The following CSMD3 variants were observed in gnomAD, a reference collection of about 807,000 sequenced individuals.
The protein encoded by CSMD3 is CUB and Sushi multiple domains 3.
Under a neutral mutation model 435.2 loss-of-function variants are expected in CSMD3, and 177 were observed. That is an observed-to-expected ratio of 0.41 (90% confidence interval 0.36 to 0.46). The LOEUF (loss-of-function observed/expected upper bound fraction) is 0.46, where lower values mean the gene tolerates loss of function less well. Ranked by LOEUF, CSMD3 falls within the 20% of genes least tolerant of loss-of-function variation. The probability of loss-of-function intolerance (pLI) is 0.34; values close to 1 mark genes in which losing one functional copy is unlikely to be tolerated. For synonymous variants in CSMD3, 1,656 were observed against 1,520.5 expected (o/e 1.09, Z -2.07); for missense variants, 4,265 against 4,504.6 (o/e 0.95, Z 1.52).
rs189667229 is a variant in CSMD3 at position 113,253,988 on chromosome 8, T to A, written c.514+24604A>T. ...CTTCAATTTTTCCCTGTGCCTGACA[T>A]GACCTGTTCCTCTACAATTAGATAC... On this transcript the variant is annotated intron_variant, in intron 3 of 70. Transcript: ENST00000297405. Among the ~76,000 whole-genome samples the A allele has an allele frequency of 1.3e-3, 201 of 152,322 alleles. 1 individual carries two copies. Among genetic ancestry groups the A allele is most frequent in the African/African-American group, 4.7e-3 (195 of 41,580 alleles).
At chr8:113,270,091 T>C (rs2093508303) in intron 3 of CSMD3, among the ~76,000 whole-genome samples, 1 of 151,896 alleles carries the variant, frequency 6.6e-6, no homozygotes, top group Non-Finnish European at 1.5e-5. Context: ...ATCCAGAATC[T>C]ACAATGAACT....
intron 32 of CSMD3, among the ~76,000 whole-genome samples, chr8:112,458,591 C>A (rs78867484): frequency 0.02 from 2,968 of 152,164 alleles, 113 homozygotes; most frequent in African/African-American, 0.068. Context: ...GTAGTTATTT[C>A]CACCAACATG....
chr8:112,519,692 G>A (rs973809270), intron 27 of CSMD3, among the ~76,000 whole-genome samples: 1 of 152,120 alleles, frequency 6.6e-6, no homozygotes, highest in South Asian at 2.1e-4. Context: ...GCTGCCTCTC[G>A]ATTCACAGGA....
intron 22 of CSMD3, among the ~76,000 whole-genome samples, chr8:112,614,616 G>GTATC (rs1011234653): frequency 6.6e-5 from 10 of 151,970 alleles, no homozygotes; most frequent in African/African-American, 2.2e-4. Flanking sequence ...GAGGTTCTGT[G>GTATC]TATCTGTTCC....
At chr8:112,640,840 A>T (rs576181436) in intron 20 of CSMD3, among the ~76,000 whole-genome samples, 16 of 151,920 alleles carry the variant, frequency 1.1e-4, no homozygotes, top group African/African-American at 3.6e-4. Flanking sequence ...TAAAGCTAAG[A>T]AAAAAATAGT....
intron 13 of CSMD3, among the ~76,000 whole-genome samples, chr8:112,717,429 T>C (rs1459378221): frequency 1.3e-5 from 2 of 152,134 alleles, no homozygotes; most frequent in African/African-American, 4.8e-5. Context: ...CTGGCGAGGC[T>C]GTGGAGAAAT....
In CSMD3 at chr8:112,295,926, A is replaced by C; in HGVS notation, c.8521T>G (p.Tyr2841Asp). Residue 2841 changes from tyrosine (Y) to aspartate (D), a missense_variant, in exon 54 of 71, where the codon TAT becomes GAT. Tyr to Asp is a radical substitution (Grantham distance 160). This residue lies in a region of CSMD3 where 3,255 missense variants were observed against 3,380.2 expected (regional missense o/e 0.96). Coordinates refer to ENST00000297405, the MANE Select transcript of CSMD3 (RefSeq NM_198123.2). ...AATCGAAAACCAGGATTACATTGAT[A>C]TACAACTGTGTCTCTATATCCATAA... is the stretch of plus-strand genomic sequence containing the variant. ...ENYGYRDTVVYQCNPGFRLIG... is the reference protein window; with the variant it reads ...ENYGYRDTVVDQCNPGFRLIG... 6.2e-7 allele frequency: 1 copy of C among 1,613,574 alleles called. No individual in the cohort carries two copies. Among genetic ancestry groups the C allele is most frequent in the Non-Finnish European group, 8.5e-7 (1 of 1,179,536 alleles).
chr8:112,608,645 GTA>G (rs1238742583), intron 22 of CSMD3, among the ~76,000 whole-genome samples: 3 of 151,518 alleles, frequency 2.0e-5, no homozygotes, highest in Non-Finnish European at 4.4e-5. Flanking sequence ...ATTTATATAT[GTA>G]TATGTGTGTG....
chr8:113,371,827 T>C (rs962798392), intron 1 of CSMD3, among the ~76,000 whole-genome samples: 8 of 152,198 alleles, frequency 5.3e-5, no homozygotes, highest in Admixed American at 5.2e-4. Flanking sequence ...CTGTGAAGAA[T>C]GGTTGAGTGA....
intron 10 of CSMD3, among the ~76,000 whole-genome samples, chr8:112,876,813 A>T (rs1230986151): frequency 6.6e-6 from 1 of 152,184 alleles, no homozygotes; most frequent in African/African-American, 2.4e-5. Flanking sequence ...GGAGAAAGTC[A>T]AATTGTCTCT....
chr8:112,949,891 CAT>C (rs2083747230), intron 8 of CSMD3, among the ~76,000 whole-genome samples: 1 of 151,902 alleles, frequency 6.6e-6, no homozygotes, highest in South Asian at 2.1e-4. Context: ...TCCATGTCTC[CAT>C]GTTTTCCTTT....
At chr8:113,355,003 T>C (rs1301806388) in intron 1 of CSMD3, among the ~76,000 whole-genome samples, 1 of 152,100 alleles carries the variant, frequency 6.6e-6, no homozygotes, top group Non-Finnish European at 1.5e-5. Flanking sequence ...TCAAGTCTTC[T>C]CCATCTCAAT....
intron 3 of CSMD3, among the ~76,000 whole-genome samples, chr8:113,277,612 T>C (rs2132452802): frequency 6.6e-6 from 1 of 152,124 alleles, no homozygotes; most frequent in South Asian, 2.1e-4. Context: ...TTATATGGTT[T>C]AGAAATTAAT....
chr8:112,656,402 G>A (rs2075258628), intron 17 of CSMD3, 61 bp from the exon 18 acceptor site: 5 of 1,208,874 alleles, frequency 4.1e-6, no homozygotes, highest in Admixed American at 4.2e-5. Flanking sequence ...TGGAAATAAT[G>A]CTTTGGACTG....
intron 9 of CSMD3, among the ~76,000 whole-genome samples, chr8:112,934,031 T>G (rs1445188683): frequency 6.6e-6 from 1 of 152,072 alleles, no homozygotes; most frequent in Non-Finnish European, 1.5e-5. Flanking sequence ...TATTCGTCCT[T>G]TTATCTAGGG....
chr8:112,677,192 G>A (rs983818022), intron 16 of CSMD3, among the ~76,000 whole-genome samples: 3 of 151,776 alleles, frequency 2.0e-5, no homozygotes, highest in Admixed American at 6.6e-5. Context: ...ACAAAGACAT[G>A]GGCCCTGGAA....
At chr8:112,347,496 A>G (rs1303256780) in intron 40 of CSMD3, among the ~76,000 whole-genome samples, 1 of 152,234 alleles carries the variant, frequency 6.6e-6, no homozygotes, top group Non-Finnish European at 1.5e-5. Flanking sequence ...AATGTTTTAT[A>G]CAATATTCAA....
intron 4 of CSMD3, among the ~76,000 whole-genome samples, chr8:113,104,240 C>T (rs2090413054): frequency 6.6e-6 from 1 of 152,064 alleles, no homozygotes; most frequent in Admixed American, 6.6e-5. Context: ...ATTCCAGATG[C>T]TAAGCATTCA....
At chr8:112,543,657 A>G (rs1275081161) in intron 27 of CSMD3, among the ~76,000 whole-genome samples, 2 of 152,172 alleles carry the variant, frequency 1.3e-5, no homozygotes, top group African/African-American at 4.8e-5. Context: ...GCCACTATGG[A>G]AAATATTATG....
Sources: allele counts gnomAD v4.1 joint callset (sites outside exome capture counted in the v4.1 genomes callset), GRCh38; gene constraint gnomAD v4.1.1; regional missense constraint gnomAD v4.1.1; transcripts MANE v1.5; gene names NCBI Gene and HGNC (gene_info 2026-07-23, HGNC 2026-07-21).